The following ORC4 variants were observed in gnomAD, a reference collection of about 807,000 sequenced individuals.
The protein encoded by ORC4 is origin recognition complex subunit 4, also known as origin recognition complex, subunit 4 homolog.
Under a neutral mutation model 63.9 loss-of-function variants are expected in ORC4, and 55 were observed. That is an observed-to-expected ratio of 0.86 (90% CI 0.69 to 1.08). ORC4 has a LOEUF of 1.08. Among genes scored for constraint, ORC4 ranks in the 50% least tolerant of loss-of-function variants. The probability of loss-of-function intolerance (pLI) is 0.00; values close to 1 mark genes in which losing one functional copy is unlikely to be tolerated. For synonymous variants in ORC4, 150 were observed against 168.5 expected (o/e 0.89, Z 0.85); for missense variants, 511 against 504.4 (o/e 1.01, Z -0.13).
At chr2:147,967,068 A>G (rs1689935253) in intron 4 of ORC4, among the ~76,000 whole-genome samples, 1 of 152,202 alleles carries the variant, frequency 6.6e-6, no homozygotes, top group African/African-American at 2.4e-5. Context: ...ACACCACATC[A>G]ATAGAATGGA....
At chr2:147,995,479 C>T (rs189559304) in intron 1 of ORC4, among the ~76,000 whole-genome samples, 1 of 152,220 alleles carries the variant, frequency 6.6e-6, no homozygotes, top group Non-Finnish European at 1.5e-5. Flanking sequence ...CTGCTGGGGT[C>T]CCCTTCCACG....
At chr2:147,958,216 C>A (rs1689371182) in intron 6 of ORC4, 82 bp downstream of exon 6, 7 of 879,706 alleles carry the variant, frequency 8.0e-6, no homozygotes, top group Non-Finnish European at 1.3e-5. Flanking sequence ...TCTCCCTACC[C>A]TTCCAGAAAT....
intron 7 of ORC4, among the ~76,000 whole-genome samples, chr2:147,955,126 A>G (rs1689172742): frequency 6.6e-6 from 1 of 152,014 alleles, no homozygotes; most frequent in Non-Finnish European, 1.5e-5. Context: ...ATATACTGAT[A>G]TAAAGATCAG....
At chr2:147,944,295 T>C (rs962875272) in intron 9 of ORC4, among the ~76,000 whole-genome samples, 1 of 152,088 alleles carries the variant, frequency 6.6e-6, no homozygotes, top group African/African-American at 2.4e-5. Context: ...CTTGGATTAT[T>C]AATATTTAAG....
intron 4 of ORC4, among the ~76,000 whole-genome samples, chr2:147,968,578 C>G (rs919379568): frequency 8.6e-5 from 13 of 151,998 alleles, no homozygotes; most frequent in African/African-American, 3.1e-4. Flanking sequence ...ATAGAAACCA[C>G]AGTGAGGTAT....
intron 10 of ORC4, among the ~76,000 whole-genome samples, chr2:147,940,831 A>C (rs1217716879): frequency 1.3e-5 from 2 of 152,056 alleles, no homozygotes; most frequent in Admixed American, 6.6e-5. Context: ...CAAAGGCATA[A>C]ATTTTTTTTA....
intron 6 of ORC4, 81 bp from the exon 7 acceptor site, chr2:147,955,476 A>G: frequency 2.1e-6 from 2 of 937,316 alleles, no homozygotes; most frequent in Non-Finnish European, 3.4e-6. Flanking sequence ...CTCAAATTTT[A>G]TATAAACACT....
chr2:148,007,857 A>G (rs183433675), intron 1 of ORC4, among the ~76,000 whole-genome samples: 1 of 152,328 alleles, frequency 6.6e-6, no homozygotes, highest in Admixed American at 6.5e-5. Context: ...TGAAGGAGTT[A>G]TACTACATCT....
intron 4 of ORC4, among the ~76,000 whole-genome samples, chr2:147,964,481 C>A (rs535991848): frequency 6.6e-6 from 1 of 152,170 alleles, no homozygotes; most frequent in South Asian, 2.1e-4. Context: ...TATTATTGTA[C>A]TTTCAGGAGG....
At chr2:147,947,894 A>G in intron 9 of ORC4, 157 bp downstream of exon 9, 1 of 595,518 alleles carries the variant, frequency 1.7e-6, no homozygotes, top group Non-Finnish European at 3.0e-6. Flanking sequence ...CTGTCTAAGA[A>G]GAAAATTTTT....
chr2:148,001,353 C>T lies in ORC4; in HGVS notation c.-18+19280G>A, dbSNP rs972755241. Among the ~76,000 whole-genome samples the T allele has an allele frequency of 2.0e-5, 3 of 152,104 alleles. No homozygotes were observed. In the South Asian group the frequency reaches 6.2e-4, roughly 32 times the overall value. ...AATTTCATTAACTTGGCTTCTTATA[C>T]TGCAGAGCCGAATGTTATTTTAGAA... On this transcript the variant is annotated intron_variant, in intron 1 of 13. Transcript: ENST00000392857.
intron 1 of ORC4, among the ~76,000 whole-genome samples, chr2:148,009,959 G>A (rs531237588): frequency 2.6e-5 from 4 of 152,158 alleles, no homozygotes; most frequent in South Asian, 2.1e-4. Flanking sequence ...AATCCAAAAA[G>A]AGCACCATCA....
intron 1 of ORC4, among the ~76,000 whole-genome samples, chr2:148,000,632 G>A (rs991605780): frequency 6.6e-6 from 1 of 152,106 alleles, no homozygotes. Flanking sequence ...ATAGGATAGA[G>A]ACTGCACCAG....
intron 7 of ORC4, among the ~76,000 whole-genome samples, chr2:147,952,872 C>T (rs900501539): frequency 4.0e-5 from 6 of 150,900 alleles, no homozygotes; most frequent in African/African-American, 1.5e-4. Flanking sequence ...ACTAAAAATA[C>T]AAAATTAGTC....
At chr2:147,951,156 T>G (rs541973320) in intron 8 of ORC4, among the ~76,000 whole-genome samples, 129 of 152,150 alleles carry the variant, frequency 8.5e-4, no homozygotes, top group South Asian at 3.7e-3. Context: ...GGAGGACTGT[T>G]GAAATATGAA....
chr2:147,974,143 G>A (rs544476956), intron 2 of ORC4, among the ~76,000 whole-genome samples: 2 of 152,234 alleles, frequency 1.3e-5, no homozygotes, highest in East Asian at 3.9e-4. Context: ...TCCATGTACA[G>A]AGGCAAAGCA....
At position 148,010,854 on chromosome 2, in the gene ORC4, T is replaced by C. The variant is rs1172323813; in HGVS notation, c.-18+9779A>G. On this transcript the variant is annotated intron_variant, in intron 1 of 13. Coordinates refer to ENST00000392857, the MANE Select transcript of ORC4 (RefSeq NM_181741.4). ...TTATGAGGCCAGATTTATTCTTTTT[T>C]TTTTTTTTTTTTTTTTTGAGACAGA... 2.9e-5 allele frequency among the ~76,000 whole-genome samples: 4 copies of C among 137,644 alleles called. No homozygotes were observed. The Middle Eastern group carries it at 0.011, about 374-fold the overall frequency. The allele number at this position is 137,644 out of a possible 152,430, so 90.3% of individuals were successfully genotyped here. A position where few individuals can be genotyped will look rare whatever the true frequency, so the allele number is the denominator to read the frequency against.
intron 10 of ORC4, among the ~76,000 whole-genome samples, chr2:147,942,275 C>A (rs1688405911): frequency 6.6e-6 from 1 of 151,970 alleles, no homozygotes; most frequent in Non-Finnish European, 1.5e-5. Flanking sequence ...AGGTATTTGC[C>A]ATAATTTTCT....
intron 4 of ORC4, among the ~76,000 whole-genome samples, chr2:147,961,704 T>C (rs1039235748): frequency 2.0e-5 from 3 of 152,170 alleles, no homozygotes; most frequent in Non-Finnish European, 4.4e-5. Context: ...TGAAAATAAA[T>C]GACTGCAAGG....
Sources: allele counts gnomAD v4.1 joint callset (sites outside exome capture counted in the v4.1 genomes callset), GRCh38; gene constraint gnomAD v4.1.1; transcripts MANE v1.5; gene names NCBI Gene and HGNC (gene_info 2026-07-23, HGNC 2026-07-21).